Variants in GDPD1 observed in about 807,000 individuals in gnomAD.
GDPD1 encodes the protein lysophospholipase D GDPD1.
In GDPD1, 28 loss-of-function variants were observed where a neutral mutation model predicts 45.1. The ratio of observed to expected loss-of-function variants is 0.62; its 90% CI spans 0.46 to 0.85. The LOEUF is 0.85. Among genes scored for constraint, GDPD1 ranks in the 40% least tolerant of loss-of-function variants. The pLI is 0.00. For synonymous variants in GDPD1, 139 were observed against 131.4 expected (o/e 1.06, Z -0.40); for missense variants, 256 against 364.8 (o/e 0.70, Z 2.43).
At chr17:59,235,766 G>A (rs950601068) in intron 2 of GDPD1, among the ~76,000 whole-genome samples, 8 of 150,012 alleles carry the variant, frequency 5.3e-5, no homozygotes, top group African/African-American at 9.8e-5. Flanking sequence ...GCATTGAGCC[G>A]AGATTGCACT....
At chr17:59,268,578 CAAAAAAAAA>C (rs1176390251) in intron 7 of GDPD1, among the ~76,000 whole-genome samples, 4 of 35,372 alleles carry the variant, frequency 1.1e-4, no homozygotes, top group Middle Eastern at 0.053. Context: ...GACTCTGTCT[CAAAAAAAAA>C]AAAAAAAAAA....
chr17:59,238,392 A>T (rs1441749095), intron 2 of GDPD1, among the ~76,000 whole-genome samples: 2 of 151,052 alleles, frequency 1.3e-5, no homozygotes, highest in Non-Finnish European at 2.9e-5. Flanking sequence ...TTAGGTTATG[A>T]ATATGGCTCT....
At chr17:59,237,436 T>C (rs1200177403) in intron 2 of GDPD1, among the ~76,000 whole-genome samples, 1 of 152,100 alleles carries the variant, frequency 6.6e-6, no homozygotes, top group Non-Finnish European at 1.5e-5. Context: ...ATAAACATAC[T>C]GTTTTAAAGG....
intron 1 of GDPD1, among the ~76,000 whole-genome samples, chr17:59,221,676 A>G (rs765990976): frequency 9.9e-5 from 15 of 152,152 alleles, no homozygotes; most frequent in Non-Finnish European, 1.9e-4. Flanking sequence ...ATGTGTCTTC[A>G]TTGCATTTCA....
intron 6 of GDPD1, among the ~76,000 whole-genome samples, chr17:59,260,405 G>A (rs1304741757): frequency 6.6e-6 from 1 of 151,960 alleles, no homozygotes; most frequent in African/African-American, 2.4e-5. Context: ...AGCCGGGCAT[G>A]GTGGTGCGCA....
chr17:59,234,974 CTT>C (rs35615525), intron 2 of GDPD1, among the ~76,000 whole-genome samples: 7 of 141,440 alleles, frequency 4.9e-5, no homozygotes, highest in Non-Finnish European at 7.7e-5. Context: ...GAGTGTTGAT[CTT>C]TTTTTTTTTT....
chr17:59,269,685 T>C (rs147034112), intron 7 of GDPD1, among the ~76,000 whole-genome samples: 113 of 151,920 alleles, frequency 7.4e-4, no homozygotes, highest in African/African-American at 2.7e-3. Context: ...TAGCTGGGCA[T>C]GGTGGCGCAC....
intron 2 of GDPD1, among the ~76,000 whole-genome samples, chr17:59,244,707 A>G (rs2047198110): frequency 1.3e-5 from 2 of 152,286 alleles, no homozygotes; most frequent in East Asian, 1.9e-4. Context: ...TCAAAGTAAT[A>G]AAAGTGGCCA....
chr17:59,238,477 G>A (rs539365408), intron 2 of GDPD1, among the ~76,000 whole-genome samples: 22 of 149,816 alleles, frequency 1.5e-4, no homozygotes, highest in African/African-American at 5.4e-4. Flanking sequence ...GCAGTGGCAA[G>A]ATCTCGGCTC....
At chr17:59,246,737 CATT>C (rs2047215220) in intron 3 of GDPD1, among the ~76,000 whole-genome samples, 1 of 104,144 alleles carries the variant, frequency 9.6e-6, no homozygotes, top group South Asian at 3.2e-4. Context: ...AAAAAAGAAA[CATT>C]ATAAGAAAAA....
chr17:59,244,443 G>A (rs1436992402), intron 2 of GDPD1, among the ~76,000 whole-genome samples: 2 of 152,038 alleles, frequency 1.3e-5, no homozygotes, highest in South Asian at 2.1e-4. Context: ...TGATCTACCC[G>A]CCTTGGCCTC....
At chr17:59,237,728 T>G (rs1193906867) in intron 2 of GDPD1, among the ~76,000 whole-genome samples, 1 of 151,988 alleles carries the variant, frequency 6.6e-6, no homozygotes, top group Non-Finnish European at 1.5e-5. Flanking sequence ...TCAAAAGGTA[T>G]TAAGACTAGA....
At chr17:59,259,204 C>A (rs541436767) in intron 6 of GDPD1, among the ~76,000 whole-genome samples, 1 of 151,020 alleles carries the variant, frequency 6.6e-6, no homozygotes, top group South Asian at 2.1e-4. Flanking sequence ...CCGAGGCAGG[C>A]GGATCACCTG....
intron 6 of GDPD1, among the ~76,000 whole-genome samples, chr17:59,259,254 A>AC: frequency 6.7e-6 from 1 of 148,962 alleles, no homozygotes; most frequent in East Asian, 2.0e-4. Flanking sequence ...ACATGGCAAA[A>AC]CCCCATCTCT....
intron 4 of GDPD1, among the ~76,000 whole-genome samples, chr17:59,253,129 A>G (rs1174824394): frequency 1.3e-5 from 2 of 152,152 alleles, no homozygotes; most frequent in Non-Finnish European, 2.9e-5. Context: ...AAGTTCCCCA[A>G]ATAGTGAAAA....
intron 1 of GDPD1, among the ~76,000 whole-genome samples, chr17:59,227,649 A>C (rs1357111493): frequency 6.6e-6 from 1 of 152,148 alleles, no homozygotes; most frequent in African/African-American, 2.4e-5. Context: ...AATTCTAATA[A>C]TAGCAATAAT....
At chr17:59,263,914 CTT>C (rs1048820778) in intron 6 of GDPD1, among the ~76,000 whole-genome samples, 1 of 152,180 alleles carries the variant, frequency 6.6e-6, no homozygotes, top group Non-Finnish European at 1.5e-5. Flanking sequence ...CGCTTAATGA[CTT>C]TTCATTCATT....
intron 6 of GDPD1, among the ~76,000 whole-genome samples, chr17:59,263,159 C>G (rs974840519): frequency 6.6e-6 from 1 of 152,046 alleles, no homozygotes; most frequent in Non-Finnish European, 1.5e-5. Flanking sequence ...CCACATGGGA[C>G]TATACTATAC....
chr17:59,269,003 A>G lies in GDPD1; in HGVS notation c.710+1829A>G, dbSNP rs2047423260. Among the ~76,000 whole-genome samples, 3 of 151,934 alleles carry G rather than the reference A, an allele frequency of 2.0e-5. No homozygotes were observed. The South Asian group carries it at 6.2e-4, about 32-fold the overall frequency. On this transcript the variant is annotated intron_variant, in intron 7 of 9. Coordinates refer to ENST00000284116, the MANE Select transcript of GDPD1 (RefSeq NM_182569.4). ...AGACTCCTTCTCAAAAAAAAATAAG[A>G]AAGAAAAACAATTGGCCGGGCGTGG...
Sources: allele counts gnomAD v4.1 joint callset (sites outside exome capture counted in the v4.1 genomes callset), GRCh38; gene constraint gnomAD v4.1.1; transcripts MANE v1.5; gene names NCBI Gene and HGNC (gene_info 2026-07-23, HGNC 2026-07-21).